The following RGS6 variants were observed in gnomAD, a reference collection of about 807,000 sequenced individuals.
RGS6 encodes regulator of G-protein signaling 6.
A neutral mutation model predicts 78.5 loss-of-function variants in RGS6; 30 were observed. The observed-to-expected ratio is 0.38, with a 90% confidence interval of 0.29 to 0.52. The LOEUF is 0.52. Among genes scored for constraint, RGS6 ranks in the 20% least tolerant of loss-of-function variants. RGS6 has a pLI of 0.85. For missense variants in RGS6, 495 were observed against 609.7 expected (o/e 0.81, Z 1.98); for synonymous variants, 206 against 206.0 (o/e 1.00, Z 0.00).
chr14:72,557,184 TCA>T (rs1046244728), intron 17 of RGS6, among the ~76,000 whole-genome samples: 2 of 152,222 alleles, frequency 1.3e-5, no homozygotes, highest in Admixed American at 6.5e-5. Flanking sequence ...CCACCTTGTT[TCA>T]CAGAGTTGAG....
Position 72,031,674 on chromosome 14 carries a change from C to T in RGS6, c.84+66799C>T, listed in dbSNP as rs545257288. On this transcript the variant is annotated intron_variant, in intron 2 of 17. Coordinates refer to ENST00000553525, the MANE Select transcript of RGS6 (RefSeq NM_001204424.2). ...GAAAATATGGTAATCCTTGCACTGGCTGTTAAAGCCTTTCTAGAAGAGAAA... is the reference window on the plus strand; with the variant it reads ...GAAAATATGGTAATCCTTGCACTGGTTGTTAAAGCCTTTCTAGAAGAGAAA... Among the ~76,000 whole-genome samples, 20 of 152,290 alleles carry T rather than the reference C, an allele frequency of 1.3e-4. No individual in the cohort carries two copies. In the South Asian group the frequency reaches 4.2e-3, roughly 32 times the overall value.
intron 3 of RGS6, among the ~76,000 whole-genome samples, chr14:72,365,673 T>A (rs1295480968): frequency 6.6e-6 from 1 of 152,266 alleles, no homozygotes. Context: ...AATGTTTCTC[T>A]TCTTTGTCTT....
At chr14:72,439,759 G>C (rs2095107191) in intron 3 of RGS6, among the ~76,000 whole-genome samples, 1 of 152,178 alleles carries the variant, frequency 6.6e-6, no homozygotes, top group Non-Finnish European at 1.5e-5. Flanking sequence ...ACACCAACAG[G>C]AGATCAGAGG....
rs141419252 is a variant in RGS6, at chr14:72,464,530, A to C, written c.395-1228A>C. 3.7e-3 allele frequency among the ~76,000 whole-genome samples: 566 copies of C among 152,334 alleles called. 4 individuals carry two copies. The highest frequency in any genetic ancestry group is 0.013 in the African/African-American group (526 of 41,582). ...ACAAATGAAGGAAGTTGGTTGATCC[A>C]GCAAAGAGTTGACTAGAGATCTCTT... On this transcript the variant is annotated intron_variant, in intron 6 of 17. Coordinates refer to ENST00000553525, the MANE Select transcript of RGS6 (RefSeq NM_001204424.2).
At chr14:72,202,682 G>A (rs1228855333) in intron 2 of RGS6, among the ~76,000 whole-genome samples, 1 of 152,018 alleles carries the variant, frequency 6.6e-6, no homozygotes, top group Non-Finnish European at 1.5e-5. Flanking sequence ...GCTGCAGGCT[G>A]GAAAGGCTGT....
At chr14:72,177,992 C>A (rs566824732) in intron 2 of RGS6, among the ~76,000 whole-genome samples, 1 of 152,290 alleles carries the variant, frequency 6.6e-6, no homozygotes, top group South Asian at 2.1e-4. Context: ...CCACTTTTTG[C>A]TCCCTACCAG....
chr14:72,333,855 G>T (rs2075514439), intron 2 of RGS6, among the ~76,000 whole-genome samples: 1 of 152,164 alleles, frequency 6.6e-6, no homozygotes, highest in Non-Finnish European at 1.5e-5. Context: ...TTCCAGCACT[G>T]CAAGGTAACA....
At chr14:71,984,211 A>T (rs1339566881) in intron 2 of RGS6, among the ~76,000 whole-genome samples, 1 of 151,948 alleles carries the variant, frequency 6.6e-6, no homozygotes, top group Non-Finnish European at 1.5e-5. Flanking sequence ...GGAGTAAATA[A>T]CTAGTATTAA....
rs1318210135 is a variant in RGS6, at chr14:72,110,002, CA to C, written c.84+145134del. On this transcript the variant is annotated intron_variant, in intron 2 of 17. Coordinates refer to ENST00000553525, the MANE Select transcript of RGS6 (RefSeq NM_001204424.2). The stretch of plus-strand genomic sequence containing the variant: ...GTCAAGAAAGTGGATTTGTTACCAC[CA>C]AAAAAAGAAAACTTTCTGACATTGA... 2.6e-5 allele frequency among the ~76,000 whole-genome samples: 4 copies of C among 152,156 alleles called. No homozygotes were observed. In the South Asian group the frequency reaches 8.3e-4, roughly 32 times the overall value.
At chr14:71,900,858 C>A in the RGS6 span, among the ~76,000 whole-genome samples, 2 of 152,052 alleles carry the variant, frequency 1.3e-5, no homozygotes, top group African/African-American at 4.8e-5. Context: ...AGGAAGCTTA[C>A]AGTCATGGCA....
intron 2 of RGS6, among the ~76,000 whole-genome samples, chr14:72,118,203 A>G (rs972313147): frequency 7.9e-5 from 12 of 152,090 alleles, no homozygotes; most frequent in African/African-American, 2.7e-4. Context: ...CCTCTGGTGA[A>G]CATCAGCTTC....
At chr14:72,111,537 G>A (rs1305993708) in intron 2 of RGS6, among the ~76,000 whole-genome samples, 1 of 152,154 alleles carries the variant, frequency 6.6e-6, no homozygotes, top group Non-Finnish European at 1.5e-5. Flanking sequence ...CCACATTTAT[G>A]TCTTCAAAAT....
chr14:72,007,674 C>A (rs1261212476), intron 2 of RGS6, among the ~76,000 whole-genome samples: 1 of 152,050 alleles, frequency 6.6e-6, no homozygotes, highest in Non-Finnish European at 1.5e-5. Context: ...GATTAGACAC[C>A]CTTGGACGAA....
chr14:71,893,670 G>C, the RGS6 span, among the ~76,000 whole-genome samples: 8 of 152,140 alleles, frequency 5.3e-5, no homozygotes, highest in Admixed American at 3.9e-4. Flanking sequence ...TTGGGGAAGA[G>C]CTGTACATAT....
chr14:72,118,401 G>A (rs922353435), intron 2 of RGS6, among the ~76,000 whole-genome samples: 36 of 151,996 alleles, frequency 2.4e-4, no homozygotes, highest in African/African-American at 8.2e-4. Flanking sequence ...CTTTACTGGC[G>A]TTATGTCCAT....
chr14:72,158,176 C>A (rs1175181572), intron 2 of RGS6, among the ~76,000 whole-genome samples: 1 of 152,144 alleles, frequency 6.6e-6, no homozygotes, highest in African/African-American at 2.4e-5. Flanking sequence ...GAATGAAAGG[C>A]ATCGGTAGGG....
At chr14:72,055,062 G>C (rs887710307) in intron 2 of RGS6, among the ~76,000 whole-genome samples, 2 of 152,182 alleles carry the variant, frequency 1.3e-5, no homozygotes, top group African/African-American at 4.8e-5. Flanking sequence ...TCCTGTTTTT[G>C]TATCTATGAG....
At chr14:72,475,742 C>G (rs1305761992) in intron 10 of RGS6, among the ~76,000 whole-genome samples, 1 of 151,538 alleles carries the variant, frequency 6.6e-6, no homozygotes, top group East Asian at 1.9e-4. Flanking sequence ...AAAAAAATTC[C>G]AAAGAGTGGA....
chr14:72,425,364 C>T (rs1200800740), intron 3 of RGS6, among the ~76,000 whole-genome samples: 1 of 152,168 alleles, frequency 6.6e-6, no homozygotes, highest in Non-Finnish European at 1.5e-5. Context: ...GTCTCAAATT[C>T]CTGACCTCAA....
Sources: gnomAD v4.1 joint callset for allele counts (sites outside exome capture counted in the v4.1 genomes callset) on GRCh38, gnomAD v4.1.1 for gene constraint, MANE v1.5 for transcripts, NCBI Gene and HGNC (gene_info 2026-07-23, HGNC 2026-07-21) for gene names.